The following SNX9 variants were observed in gnomAD, a reference collection of about 807,000 sequenced individuals.
SNX9 encodes sorting nexin-9.
Under a neutral mutation model 89.4 loss-of-function variants are expected in SNX9, and 44 were observed. The observed-to-expected ratio is 0.49, with a 90% confidence interval of 0.39 to 0.63. The LOEUF is 0.63. Among genes scored for constraint, SNX9 ranks in the 30% least tolerant of loss-of-function variants. SNX9 has a pLI of 0.00. For synonymous variants in SNX9, 236 were observed against 247.8 expected (o/e 0.95, Z 0.45); for missense variants, 578 against 736.1 (o/e 0.79, Z 2.49).
intron 4 of SNX9, among the ~76,000 whole-genome samples, chr6:157,878,633 A>G (rs1782563875): frequency 6.6e-6 from 1 of 152,104 alleles, no homozygotes; most frequent in South Asian, 2.1e-4. Flanking sequence ...GGGTTTCACC[A>G]TATTGGCCAG....
chr6:157,861,067 A>G (rs1314629536), intron 1 of SNX9, among the ~76,000 whole-genome samples: 1 of 152,212 alleles, frequency 6.6e-6, no homozygotes, highest in Non-Finnish European at 1.5e-5. Context: ...TTTAAAGAAC[A>G]TATCAATTTA....
intron 16 of SNX9, among the ~76,000 whole-genome samples, chr6:157,940,192 G>T (rs192771936): frequency 1.3e-5 from 2 of 152,208 alleles, no homozygotes; most frequent in Admixed American, 6.5e-5. Context: ...AGGAGGGAGC[G>T]GGGCAGGGAC....
At chr6:157,857,366 G>C (rs1208825717) in intron 1 of SNX9, among the ~76,000 whole-genome samples, 1 of 152,082 alleles carries the variant, frequency 6.6e-6, no homozygotes, top group Non-Finnish European at 1.5e-5. Context: ...GAAACCTGGA[G>C]TCAACTATTT....
chr6:157,836,178 G>A (rs1273477147), intron 1 of SNX9, among the ~76,000 whole-genome samples: 1 of 151,886 alleles, frequency 6.6e-6, no homozygotes, highest in Non-Finnish European at 1.5e-5. Context: ...TTGAACTTCT[G>A]GGCTCAAACA....
intron 4 of SNX9, among the ~76,000 whole-genome samples, chr6:157,891,101 G>A (rs768205834): frequency 7.1e-5 from 10 of 141,544 alleles, no homozygotes; most frequent in East Asian, 2.1e-4. Flanking sequence ...GTGTGAACTC[G>A]GCTCACTGCA....
chr6:157,929,122 T>C (rs75260229), intron 12 of SNX9, among the ~76,000 whole-genome samples: 1,646 of 152,316 alleles, frequency 0.011, 14 homozygotes, highest in Non-Finnish European at 0.016. Context: ...GTAGAAAATA[T>C]GTCACAGCAG....
At chr6:157,842,632 A>G (rs1781725188) in intron 1 of SNX9, among the ~76,000 whole-genome samples, 1 of 152,176 alleles carries the variant, frequency 6.6e-6, no homozygotes, top group Non-Finnish European at 1.5e-5. Flanking sequence ...CTGATTGGTC[A>G]GGTTGCAGAT....
intron 5 of SNX9, among the ~76,000 whole-genome samples, chr6:157,899,767 C>T (rs1036291034): frequency 6.6e-6 from 1 of 151,944 alleles, no homozygotes; most frequent in South Asian, 2.1e-4. Context: ...AAGCGAGGCT[C>T]CGTCTCAAAA....
intron 16 of SNX9, among the ~76,000 whole-genome samples, chr6:157,939,122 A>G (rs142664591): frequency 6.6e-6 from 1 of 151,860 alleles, no homozygotes; most frequent in Admixed American, 6.6e-5. Context: ...GTGTCATTTT[A>G]GGCACAATTT....
At position 157,875,117 on chromosome 6, in the gene SNX9, G is replaced by T; in HGVS notation, c.241G>T (p.Asp81Tyr). ...TTCAGTGGCTGACCAAGCCTTCCTT[G>T]ATTCTCTCTCAGCCAGCACAGCTCA... ...GNSVADQAFL[D>Y]SLSASTAQAS... The change falls in exon 4 of 18, where the codon GAT (aspartate) becomes TAT (tyrosine). Residue 81 changes from aspartate to tyrosine, a missense_variant. Transcript: ENST00000392185. The T allele has an allele frequency of 6.2e-7, 1 of 1,614,058 alleles. No homozygotes were observed. The highest frequency in any genetic ancestry group is 2.2e-5 in the East Asian group (1 of 44,870).
intron 6 of SNX9, among the ~76,000 whole-genome samples, chr6:157,902,544 G>A (rs1783127454): frequency 6.6e-6 from 1 of 152,148 alleles, no homozygotes; most frequent in South Asian, 2.1e-4. Flanking sequence ...GAGTGTTCCA[G>A]TCAGGAAGCC....
intron 1 of SNX9, among the ~76,000 whole-genome samples, chr6:157,866,349 A>G (rs1323805007): frequency 6.6e-6 from 1 of 152,162 alleles, no homozygotes; most frequent in Non-Finnish European, 1.5e-5. Flanking sequence ...TTTGAGAGGA[A>G]GATCTCTTGA....
chr6:157,934,350 G>A (rs1395769291), intron 13 of SNX9: 1 of 152,062 alleles, frequency 6.6e-6, no homozygotes, highest in Non-Finnish European at 1.5e-5. Context: ...ATTATATCTT[G>A]TTTTGTACAG....
At chr6:157,841,402 C>CACAG (rs1035583390) in intron 1 of SNX9, among the ~76,000 whole-genome samples, 5 of 152,156 alleles carry the variant, frequency 3.3e-5, no homozygotes, top group African/African-American at 1.2e-4. Flanking sequence ...GGAGGTCACA[C>CACAG]ACAGGATGGT....
chr6:157,844,429 G>T (rs1402969554), intron 1 of SNX9, among the ~76,000 whole-genome samples: 3 of 142,858 alleles, frequency 2.1e-5, no homozygotes, highest in African/African-American at 8.7e-5. Flanking sequence ...CAGATGCCCA[G>T]TTTATTGATC....
chr6:157,839,871 G>A (rs1227135400), intron 1 of SNX9, among the ~76,000 whole-genome samples: 2 of 152,220 alleles, frequency 1.3e-5, no homozygotes, highest in African/African-American at 4.8e-5. Flanking sequence ...TGCTGGTTGT[G>A]CGCAGTATTG....
chr6:157,852,113 C>T (rs564458663), intron 1 of SNX9, among the ~76,000 whole-genome samples: 2 of 152,280 alleles, frequency 1.3e-5, no homozygotes, highest in South Asian at 4.1e-4. Flanking sequence ...TCCCTGCTTT[C>T]AGTTCTTTTG....
rs371598888 is a variant in SNX9, at chr6:157,921,522, C to T, written c.950-9C>T. 385 of 1,609,356 alleles carry T rather than the reference C, an allele frequency of 2.4e-4. No homozygotes were observed. Among genetic ancestry groups the T allele is most frequent in the Non-Finnish European group, 2.9e-4 (344 of 1,177,728 alleles). On this transcript the variant is annotated splice_polypyrimidine_tract_variant and intron_variant, in intron 9 of 17. Coordinates refer to ENST00000392185, the MANE Select transcript of SNX9 (RefSeq NM_016224.5). ...AAGTTGTATGTCATTCTTGGTGTGTCGCTTGCAGGCCGCTTTGAAGAGGAA... is the reference window on the plus strand; with the variant it reads ...AAGTTGTATGTCATTCTTGGTGTGTTGCTTGCAGGCCGCTTTGAAGAGGAA...
At chr6:157,828,295 AG>A (rs1168282622) in intron 1 of SNX9, among the ~76,000 whole-genome samples, 5 of 152,144 alleles carry the variant, frequency 3.3e-5, no homozygotes, top group Non-Finnish European at 7.3e-5. Flanking sequence ...TAGATTAGAA[AG>A]CATAAAAATG....
Sources: allele counts gnomAD v4.1 joint callset (sites outside exome capture counted in the v4.1 genomes callset), GRCh38; gene constraint gnomAD v4.1.1; transcripts MANE v1.5; gene names NCBI Gene and HGNC (gene_info 2026-07-23, HGNC 2026-07-21).